The following SORBS2 variants were observed in gnomAD, a reference collection of about 807,000 sequenced individuals.
The protein encoded by SORBS2 is sorbin and SH3 domain containing 2, also known as sorbin and SH3 domain-containing protein 2.
Under a neutral mutation model 97.7 loss-of-function variants are expected in SORBS2, and 46 were observed. That is an observed-to-expected ratio of 0.47 (90% CI 0.37 to 0.60). SORBS2 has a LOEUF of 0.60. SORBS2 is among the 20% of genes least tolerant of loss of function. SORBS2 has a pLI of 0.00. For missense variants in SORBS2, 1,316 were observed against 1,282.3 expected (o/e 1.03, Z -0.40); for synonymous variants, 476 against 473.4 (o/e 1.01, Z -0.07).
At chr4:185,834,183 C>G (rs1008144707) in intron 1 of SORBS2, among the ~76,000 whole-genome samples, 5 of 152,170 alleles carry the variant, frequency 3.3e-5, no homozygotes, top group African/African-American at 1.2e-4. Context: ...GTACAGGAAG[C>G]ATGATGCTGG....
chr4:185,593,192 T>C (rs1256820321), intron 13 of SORBS2: 6 of 152,536 alleles, frequency 3.9e-5, no homozygotes, highest in African/African-American at 1.4e-4. Flanking sequence ...CGACTCACAG[T>C]GTGGGCAGAG....
At chr4:185,806,839 T>C (rs1362766618) in intron 1 of SORBS2, among the ~76,000 whole-genome samples, 1 of 152,190 alleles carries the variant, frequency 6.6e-6, no homozygotes, top group Non-Finnish European at 1.5e-5. Flanking sequence ...GGATGCTGAA[T>C]TGAATAGAAC....
At chr4:185,714,728 C>CT (rs775964274) in intron 2 of SORBS2, among the ~76,000 whole-genome samples, 1 of 152,164 alleles carries the variant, frequency 6.6e-6, no homozygotes, top group Non-Finnish European at 1.5e-5. Flanking sequence ...CAGGGGAACT[C>CT]TCCTTTATAA....
intron 2 of SORBS2, among the ~76,000 whole-genome samples, chr4:185,760,103 T>C (rs868611467): frequency 3.9e-5 from 6 of 152,220 alleles, no homozygotes; most frequent in Non-Finnish European, 7.3e-5. Flanking sequence ...ATTCTCGTTC[T>C]CCATCCATGC....
At chr4:185,591,358 T>C (rs1466420473) in intron 13 of SORBS2, among the ~76,000 whole-genome samples, 2 of 152,154 alleles carry the variant, frequency 1.3e-5, no homozygotes, top group African/African-American at 2.4e-5. Flanking sequence ...GGCCTTTTCT[T>C]GAGAGAGGGG....
At chr4:185,790,801 C>G (rs1203573537) in intron 1 of SORBS2, among the ~76,000 whole-genome samples, 2 of 152,160 alleles carry the variant, frequency 1.3e-5, no homozygotes, top group East Asian at 3.9e-4. Flanking sequence ...GGGAACAATT[C>G]AAGATTCCCT....
chr4:185,697,284 G>A (rs879438525), intron 2 of SORBS2, among the ~76,000 whole-genome samples: 3 of 152,082 alleles, frequency 2.0e-5, no homozygotes, highest in Non-Finnish European at 4.4e-5. Flanking sequence ...AAAATACATG[G>A]GGCATTATTG....
chr4:185,894,091 C>T (rs763524982), intron 1 of SORBS2, among the ~76,000 whole-genome samples: 7 of 152,044 alleles, frequency 4.6e-5, no homozygotes, highest in South Asian at 2.1e-4. Context: ...CTCTGAATAC[C>T]GATCTCGAAA....
At chr4:185,943,357 C>G (rs1202293003) in intron 1 of SORBS2, among the ~76,000 whole-genome samples, 1 of 152,188 alleles carries the variant, frequency 6.6e-6, no homozygotes, top group Non-Finnish European at 1.5e-5. Context: ...ACCAAAAAAT[C>G]AACTGCAGCA....
At chr4:185,598,895 C>G (rs1477519049) in intron 12 of SORBS2, among the ~76,000 whole-genome samples, 1 of 151,702 alleles carries the variant, frequency 6.6e-6, no homozygotes, top group Non-Finnish European at 1.5e-5. Flanking sequence ...AAAAAAAAAC[C>G]TTAAGGGGAA....
At chr4:185,897,518 T>C (rs1376164641) in intron 1 of SORBS2, among the ~76,000 whole-genome samples, 4 of 152,224 alleles carry the variant, frequency 2.6e-5, no homozygotes, top group Non-Finnish European at 5.9e-5. Context: ...GGCTCCTATG[T>C]ACACATTAAG....
rs570736425 is a variant in SORBS2, at chr4:185,684,668, C to T, written c.-197-5846G>A. ...ATGTTTCCTACAAGATCTCATTTTC[C>T]TTTGCTTTTTACGTTTAGAACAAAA... is the stretch of plus-strand genomic sequence containing the variant. On this transcript the variant is annotated intron_variant, in intron 2 of 20. Coordinates refer to the SORBS2 transcript ENST00000284776. The surrounding 1 kb of genome is among the most constrained non-coding windows in gnomAD (Gnocchi z 4.2). 234 of 982,940 alleles carry T rather than the reference C, an allele frequency of 2.4e-4. 2 individuals are homozygous for T. Among genetic ancestry groups the T allele is most frequent in the Middle Eastern group, 2.1e-3 (10 of 4,680 alleles). 60.9% of individuals were successfully genotyped at this position (982,940 alleles called of 1,614,324 possible).
chr4:185,602,428 C>T (rs762411992), intron 12 of SORBS2, among the ~76,000 whole-genome samples: 3 of 152,216 alleles, frequency 2.0e-5, no homozygotes, highest in Non-Finnish European at 4.4e-5. Context: ...TTTCAGTCAT[C>T]TGTAATCTAT....
At chr4:185,888,222 A>T (rs2099240693) in intron 1 of SORBS2, among the ~76,000 whole-genome samples, 1 of 152,154 alleles carries the variant, frequency 6.6e-6, no homozygotes, top group Admixed American at 6.5e-5. Flanking sequence ...GAATCTGTGA[A>T]TGTTACCTTA....
chr4:185,788,612 A>G (rs2099066923), intron 1 of SORBS2, among the ~76,000 whole-genome samples: 1 of 152,244 alleles, frequency 6.6e-6, no homozygotes, highest in African/African-American at 2.4e-5. Context: ...TTCACTTTAT[A>G]GCATTATATT....
chr4:185,885,659 G>A (rs1025003422), intron 1 of SORBS2, among the ~76,000 whole-genome samples: 1 of 152,194 alleles, frequency 6.6e-6, no homozygotes, highest in African/African-American at 2.4e-5. Flanking sequence ...TCTTCAAAGT[G>A]TTTAGGCAAG....
chr4:185,702,702 C>T (rs539164844), intron 2 of SORBS2, among the ~76,000 whole-genome samples: 1 of 151,796 alleles, frequency 6.6e-6, no homozygotes, highest in Non-Finnish European at 1.5e-5. Context: ...CGGTGTTAAG[C>T]CTTGTGTGGG....
intron 1 of SORBS2, among the ~76,000 whole-genome samples, chr4:185,879,153 T>C (rs1355384662): frequency 3.9e-5 from 5 of 128,150 alleles, no homozygotes; most frequent in African/African-American, 6.6e-5. Context: ...GTATATCTCC[T>C]AATGCTATCC....
At chr4:185,795,140 T>A (rs911562954) in intron 1 of SORBS2, among the ~76,000 whole-genome samples, 2 of 152,188 alleles carry the variant, frequency 1.3e-5, no homozygotes, top group African/African-American at 4.8e-5. Context: ...GCTGTCATCA[T>A]CTATAACTTA....
Sources: allele counts gnomAD v4.1 joint callset (sites outside exome capture counted in the v4.1 genomes callset), GRCh38; gene constraint gnomAD v4.1.1; non-coding constraint Gnocchi (gnomAD v3.1); transcripts MANE v1.5; gene names NCBI Gene and HGNC (gene_info 2026-07-23, HGNC 2026-07-21).